Variants in ATOSA observed in about 807,000 individuals in gnomAD.
ATOSA encodes atos homolog protein A.
At chr15:52,620,603 T>C in the ATOSA span, among the ~76,000 whole-genome samples, 18 of 152,310 alleles carry the variant, frequency 1.2e-4, no homozygotes, top group Admixed American at 1.1e-3. Context: ...TGGATTAACA[T>C]GGAAGAGGCG....
the ATOSA span, among the ~76,000 whole-genome samples, chr15:52,675,745 A>T: frequency 6.6e-6 from 1 of 152,092 alleles, no homozygotes. Flanking sequence ...TGTCTCTACT[A>T]AAAATACAAA....
chr15:52,626,702 TG>T, the ATOSA span, among the ~76,000 whole-genome samples: 1 of 152,086 alleles, frequency 6.6e-6, no homozygotes, highest in Non-Finnish European at 1.5e-5. Flanking sequence ...CTACGTCTCT[TG>T]TGTAGGGAAA....
At chr15:52,685,868 C>T in the ATOSA span, among the ~76,000 whole-genome samples, 5 of 152,238 alleles carry the variant, frequency 3.3e-5, no homozygotes, top group East Asian at 7.7e-4. Context: ...TCACCATCAC[C>T]ACCATGCCCC....
chr15:52,593,416 G>C, the ATOSA span: 2 of 612,130 alleles, frequency 3.3e-6, no homozygotes, highest in Admixed American at 3.6e-5. Context: ...TCTGTTGTTT[G>C]AACTAGCTTA....
chr15:52,613,724 C>G, the ATOSA span: 1 of 1,613,920 alleles, frequency 6.2e-7, no homozygotes, highest in South Asian at 1.1e-5. Flanking sequence ...GGTAACAAGA[C>G]TGTGCTGGAG....
chr15:52,690,578 A>T, the ATOSA span, among the ~76,000 whole-genome samples: 3 of 152,260 alleles, frequency 2.0e-5, no homozygotes, highest in Non-Finnish European at 2.9e-5. Flanking sequence ...AAGAAGGTTA[A>T]CAAAACCATA....
chr15:52,593,885 G>A, the ATOSA span: 3 of 804,924 alleles, frequency 3.7e-6, no homozygotes, highest in Non-Finnish European at 5.6e-6. Context: ...AACAGTGGTT[G>A]TTACCATTGC....
the ATOSA span, chr15:52,608,432 A>G: frequency 1.3e-6 from 1 of 760,048 alleles, no homozygotes; most frequent in Non-Finnish European, 2.0e-6. Flanking sequence ...CTAGTTCTGT[A>G]GGTTTATTAT....
chr15:52,628,085 A>C, the ATOSA span, among the ~76,000 whole-genome samples: 610 of 152,304 alleles, frequency 4.0e-3, 5 homozygotes, highest in African/African-American at 0.014. Flanking sequence ...CTGATGAGAC[A>C]TGTGGGAATT....
chr15:52,605,374 C>T, the ATOSA span: 2 of 612,546 alleles, frequency 3.3e-6, no homozygotes, highest in South Asian at 2.4e-5. Context: ...TGGTGATATA[C>T]AGGTGGGATA....
chr15:52,608,529 TA>T, the ATOSA span: 1 of 1,516,462 alleles, frequency 6.6e-7, no homozygotes, highest in Non-Finnish European at 8.8e-7. Context: ...CCATAACAAA[TA>T]TTTGAGACTT....
At chr15:52,605,432 T>A in the ATOSA span, among the ~76,000 whole-genome samples, 1 of 151,992 alleles carries the variant, frequency 6.6e-6, no homozygotes, top group Non-Finnish European at 1.5e-5. Flanking sequence ...GAAGTTTGGA[T>A]TTTTTTTCTG....
At chr15:52,644,912 T>C in the ATOSA span, among the ~76,000 whole-genome samples, 5 of 152,210 alleles carry the variant, frequency 3.3e-5, no homozygotes, top group Non-Finnish European at 7.3e-5. Context: ...CAGCAACCTA[T>C]TGAATGCTTA....
chr15:52,634,589 G>A, the ATOSA span, among the ~76,000 whole-genome samples: 39 of 135,352 alleles, frequency 2.9e-4, no homozygotes, highest in Non-Finnish European at 1.5e-4. Context: ...CTTAAAAGAT[G>A]TCCATTTTTC....
the ATOSA span, chr15:52,611,553 T>C: frequency 6.2e-7 from 1 of 1,610,168 alleles, no homozygotes; most frequent in South Asian, 1.1e-5. Flanking sequence ...AGAACAACTT[T>C]GAACTACGTT....
chr15:52,608,635 T>G, the ATOSA span: 5 of 1,609,740 alleles, frequency 3.1e-6, no homozygotes, highest in African/African-American at 2.7e-5. Context: ...TCTCTGAGAA[T>G]AGTTTTGGGA....
the ATOSA span, among the ~76,000 whole-genome samples, chr15:52,667,549 C>T: frequency 1.3e-5 from 2 of 152,094 alleles, no homozygotes; most frequent in African/African-American, 4.8e-5. Flanking sequence ...GTGGTATGGC[C>T]GTAAATGTTT....
the ATOSA span, among the ~76,000 whole-genome samples, chr15:52,636,525 T>A: frequency 1.3e-5 from 2 of 152,190 alleles, no homozygotes; most frequent in East Asian, 3.8e-4. Flanking sequence ...TTATATTATC[T>A]TAAAAGATGA....
chr15:52,636,582 T>C, the ATOSA span, among the ~76,000 whole-genome samples: 6 of 152,222 alleles, frequency 3.9e-5, no homozygotes, highest in Non-Finnish European at 8.8e-5. Context: ...AGTGCCTCAC[T>C]AGAAATAAAA....
Sources: allele counts gnomAD v4.1 joint callset (sites outside exome capture counted in the v4.1 genomes callset), GRCh38; gene constraint gnomAD v4.1.1; transcripts MANE v1.5; gene names NCBI Gene and HGNC (gene_info 2026-07-23, HGNC 2026-07-21).